MCF2L: variants seen among roughly 807,000 people sequenced by gnomAD.
MCF2L encodes the protein MCF.2 cell line derived transforming sequence like.
MCF2L carries 97 observed loss-of-function variants against 153.4 expected under a neutral mutation model. The observed-to-expected ratio is 0.63, with a 90% CI of 0.54 to 0.75. MCF2L has a LOEUF of 0.75. Among genes scored for constraint, MCF2L ranks in the 30% least tolerant of loss-of-function variants. The pLI, the probability that MCF2L is intolerant of heterozygous loss-of-function variation, is 0.00. For synonymous variants in MCF2L, 659 were observed against 632.2 expected, an observed-to-expected ratio of 1.04 and a Z score of -0.64; for missense variants, 1,347 against 1,495.2, an observed-to-expected ratio of 0.90 and a Z score of 1.64.
At chr13:113,000,601 C>T (rs1322842546) in intron 1 of MCF2L, among the ~76,000 whole-genome samples, 1 of 152,210 alleles carries the variant, frequency 6.6e-6, no homozygotes, top group Admixed American at 6.5e-5. Context: ...CAGGGCCTGG[C>T]GAGGCCACGC....
At position 113,069,868 on chromosome 13, in the gene MCF2L, C is replaced by T. The variant is rs192409046; in HGVS notation, c.882-191C>T. Among the ~76,000 whole-genome samples the T allele has an allele frequency of 4.6e-5, 7 of 152,330 alleles. No individual in the cohort carries two copies. The East Asian group carries it at 1.4e-3, about 29-fold the overall frequency. The stretch of plus-strand genomic sequence containing the variant: ...CCCTGATGCTTTCTCCAGGGCCTCC[C>T]TCCCATGCTGACGGCCCTGAGTGCC... On this transcript the variant is annotated intron_variant, in intron 8 of 29. Transcript: ENST00000535094.
Position 112,932,758 on chromosome 13 carries a change from C to A in MCF2L, c.169+30387C>A, listed in dbSNP as rs566489855. ...AGAAATAAACGACTTTGGCTGGGTGCGGTGGCTGGCACCTGTAATCCCAGC... is the reference window on the plus strand; with the variant it reads ...AGAAATAAACGACTTTGGCTGGGTGAGGTGGCTGGCACCTGTAATCCCAGC... On this transcript the variant is annotated intron_variant, in intron 2 of 29. Transcript: ENST00000375608. The surrounding 1 kb of genome is among the most constrained non-coding windows in gnomAD (Gnocchi z 4.6). Among the ~76,000 whole-genome samples, 1 of 152,110 alleles carries A rather than the reference C, an allele frequency of 6.6e-6. No homozygotes were observed. The highest frequency in any genetic ancestry group is 1.5e-5 in the Non-Finnish European group (1 of 68,024).
Position 113,060,610 on chromosome 13 carries a change from C to A in MCF2L, c.387C>A (p.Asn129Lys). 1 of 1,613,408 alleles carries A rather than the reference C, an allele frequency of 6.2e-7. No homozygotes were observed. The highest frequency in any genetic ancestry group is 8.5e-7 in the Non-Finnish European group (1 of 1,179,972). The change falls in exon 5 of 30, where the codon AAC becomes AAA. Residue 129 changes from asparagine (N) to lysine (K), a missense_variant. By Grantham distance (94) the Asn-to-Lys change is moderately conservative. Coordinates refer to ENST00000535094, the MANE Select transcript of MCF2L (RefSeq NM_001112732.3). ...TCTCACAGGCATCTTTCCCGGCAAA[C>A]CTGCAGCTCGTCCTCGTGCTTCGCC... ...VLRIAASFPA[N>K]LQLVLVLRPT...
chr13:113,090,021 A>T, intron 26 of MCF2L: 1 of 1,600,122 alleles, frequency 6.2e-7, no homozygotes, highest in Non-Finnish European at 8.5e-7. Context: ...CCGCCTCCGC[A>T]TCGGGTTGCG....
At chr13:112,994,505 G>C (rs948783595) in intron 1 of MCF2L, among the ~76,000 whole-genome samples, 2 of 152,248 alleles carry the variant, frequency 1.3e-5, no homozygotes, top group African/African-American at 2.4e-5. Context: ...AAGTGTGTGA[G>C]AGTGGGGAAA....
intron 1 of MCF2L, among the ~76,000 whole-genome samples, chr13:113,012,804 G>GCCCCCAC (rs1379085376): frequency 9.5e-6 from 1 of 105,200 alleles, no homozygotes; most frequent in African/African-American, 3.6e-5. Context: ...TGCGGACGGT[G>GCCCCCAC]GACAGGCGGT....
chr13:113,080,925 A>G (rs2034070683), intron 15 of MCF2L, among the ~76,000 whole-genome samples: 6 of 152,158 alleles, frequency 3.9e-5, no homozygotes, highest in Admixed American at 2.6e-4. Context: ...AAAGCCCAGG[A>G]GGCGAGTCTG....
chr13:112,999,126 G>A (rs994562891), intron 1 of MCF2L, among the ~76,000 whole-genome samples: 5 of 152,230 alleles, frequency 3.3e-5, no homozygotes, highest in Admixed American at 3.3e-4. Flanking sequence ...GCCATTGTGA[G>A]CCAGTCCCTC....
At chr13:113,042,755 A>G (rs951425003) in intron 3 of MCF2L, 30 of 151,818 alleles carry the variant, frequency 2.0e-4, no homozygotes, top group African/African-American at 6.1e-4. Context: ...GGTCTGGGGG[A>G]GGGTGCGTTC....
At chr13:112,931,316 C>G (rs186137661) in intron 2 of MCF2L, among the ~76,000 whole-genome samples, 1 of 152,314 alleles carries the variant, frequency 6.6e-6, no homozygotes, top group East Asian at 1.9e-4. Flanking sequence ...CACACAAACG[C>G]CCCAGGCTCC....
chr13:112,924,028 A>G (rs1202250569), intron 2 of MCF2L, among the ~76,000 whole-genome samples: 1 of 152,140 alleles, frequency 6.6e-6, no homozygotes, highest in Admixed American at 6.5e-5. Context: ...AGAGCGTCCT[A>G]TCAGGAAGCA....
intron 1 of MCF2L, among the ~76,000 whole-genome samples, chr13:112,972,069 T>A (rs1044904377): frequency 2.0e-5 from 3 of 152,246 alleles, no homozygotes; most frequent in African/African-American, 7.2e-5. Flanking sequence ...TTTCTTAAGT[T>A]CTTGATGAAG....
intron 2 of MCF2L, among the ~76,000 whole-genome samples, chr13:112,962,471 T>C (rs1243155634): frequency 6.6e-6 from 1 of 152,184 alleles, no homozygotes; most frequent in Non-Finnish European, 1.5e-5. Flanking sequence ...GAGCCAGCCA[T>C]GGGGGTGGGC....
Position 113,070,299 on chromosome 13 carries a change from GTCTC to G in MCF2L, c.996+127_996+130del. On this transcript the variant is annotated intron_variant, in intron 9 of 29. Transcript: ENST00000535094. The surrounding 1 kb of genome is among the most constrained non-coding windows in gnomAD (Gnocchi z 5.6). ...GTTGACTTTGGCTTAATGCAGAAAA[GTCTC>G]CGCTTGCCAGGTGGAGCCTGTGAGA... is the stretch of plus-strand genomic sequence containing the variant. 1 of 551,186 alleles carries G rather than the reference GTCTC, an allele frequency of 1.8e-6. No individual in the cohort carries two copies. Among genetic ancestry groups the G allele is most frequent in the Non-Finnish European group, 3.0e-6 (1 of 328,626 alleles). The allele number at this position is 551,186 out of a possible 1,614,324, so 34.1% of individuals were successfully genotyped here. A position where few individuals can be genotyped will look rare whatever the true frequency, so the allele number is the denominator to read the frequency against.
In MCF2L at chr13:112,941,204, T is replaced by C. The variant is rs927256892; in HGVS notation, c.169+38833T>C. ...ACCTTGTTTTATCTTGGTGCTATCT[T>C]GGTTTGCTTTAGAAACATAGTTCCT... On this transcript the variant is annotated intron_variant, in intron 2 of 29. Transcript: ENST00000375608. The surrounding 1 kb of genome is among the most constrained non-coding windows in gnomAD (Gnocchi z 4.9). 6.6e-6 allele frequency among the ~76,000 whole-genome samples: 1 copy of C among 152,120 alleles called. No homozygotes were observed. The highest frequency in any genetic ancestry group is 1.5e-5 in the Non-Finnish European group (1 of 68,022).
chr13:112,912,498 G>A (rs2081243121), intron 2 of MCF2L, among the ~76,000 whole-genome samples: 1 of 151,974 alleles, frequency 6.6e-6, no homozygotes, highest in Non-Finnish European at 1.5e-5. Flanking sequence ...TGTATTTTTA[G>A]TAGAGACGGG....
intron 3 of MCF2L, chr13:113,043,986 C>T (rs2086652841): frequency 6.5e-6 from 1 of 154,446 alleles, no homozygotes; most frequent in Admixed American, 6.3e-5. Context: ...GCGTGAACCA[C>T]CACGCCCAGC....
chr13:113,000,219 A>G (rs1594571091), intron 1 of MCF2L, among the ~76,000 whole-genome samples: 1 of 152,282 alleles, frequency 6.6e-6, no homozygotes, highest in East Asian at 1.9e-4. Flanking sequence ...CACAGCCCAA[A>G]CCTGCTGTGG....
rs1421842771 is a variant in MCF2L, at chr13:113,035,579, C to A, written c.279-9692C>A. Among the ~76,000 whole-genome samples, 1 of 152,166 alleles carries A rather than the reference C, an allele frequency of 6.6e-6. No individual in the cohort carries two copies. The highest frequency in any genetic ancestry group is 1.5e-5 in the Non-Finnish European group (1 of 68,030). On this transcript the variant is annotated intron_variant, in intron 3 of 29. Coordinates refer to ENST00000535094, the MANE Select transcript of MCF2L (RefSeq NM_001112732.3). The surrounding 1 kb of genome is among the most constrained non-coding windows in gnomAD (Gnocchi z 4.4). ...CTCCTTCGCCTGCTGCCTTTTTCTT[C>A]CATGAGGATGCGGTTCCCGTGTCCC...
Sources: gnomAD v4.1 joint callset for allele counts (sites outside exome capture counted in the v4.1 genomes callset) on GRCh38, gnomAD v4.1.1 for gene constraint, Gnocchi (gnomAD v3.1) non-coding constraint, MANE v1.5 for transcripts, NCBI Gene and HGNC (gene_info 2026-07-23, HGNC 2026-07-21) for gene names.